The following KDM6A variants were observed in gnomAD, a reference collection of about 807,000 sequenced individuals.
KDM6A encodes the protein lysine-specific demethylase 6A.
KDM6A carries 11 observed loss-of-function variants against 117.6 expected under a neutral mutation model. The ratio of observed to expected loss-of-function variants is 0.09; its 90% CI spans 0.06 to 0.15. The LOEUF is 0.15. Ranked by LOEUF, KDM6A falls within the 10% of genes least tolerant of loss-of-function variation. The pLI is 1.00. For synonymous variants in KDM6A, 384 were observed against 396.1 expected (o/e 0.97, Z 0.36); for missense variants, 799 against 1,077.3 (o/e 0.74, Z 3.62).
At chrX:45,016,719 C>G (rs1433450192) in intron 5 of KDM6A, among the ~76,000 whole-genome samples, 1 of 110,895 alleles carries the variant, frequency 9.0e-6, no homozygotes, top group African/African-American at 3.3e-5. Flanking sequence ...AGGATGGTCT[C>G]TATTTCTTGA....
intron 2 of KDM6A, among the ~76,000 whole-genome samples, chrX:44,942,450 A>G (rs927398270): frequency 2.7e-5 from 3 of 110,160 alleles, no homozygotes; most frequent in Non-Finnish European, 5.7e-5. Context: ...GTTGATCTGT[A>G]TCTTCTGTTG....
chrX:44,970,754 C>A (rs758755295), intron 3 of KDM6A, among the ~76,000 whole-genome samples: 9 of 111,805 alleles, frequency 8.0e-5, no homozygotes, highest in Non-Finnish European at 1.7e-4. Context: ...ACATTTATTA[C>A]CTCACATAAT....
intron 3 of KDM6A, among the ~76,000 whole-genome samples, chrX:44,971,223 C>A (rs908051896): frequency 2.7e-5 from 3 of 111,701 alleles, no homozygotes; most frequent in Admixed American, 9.5e-5. Context: ...TAGCTACCCT[C>A]ATGCATGAAG....
At chrX:44,950,716 G>A (rs984696141) in intron 2 of KDM6A, among the ~76,000 whole-genome samples, 5 of 111,325 alleles carry the variant, frequency 4.5e-5, no homozygotes, top group African/African-American at 1.6e-4. Flanking sequence ...GTACAGCTTA[G>A]TTTGCTTTGT....
intron 2 of KDM6A, among the ~76,000 whole-genome samples, chrX:44,947,007 G>A (rs2037679831): frequency 8.9e-6 from 1 of 111,852 alleles, no homozygotes. Flanking sequence ...TATTTTACGT[G>A]TGTCTAAATT....
intron 4 of KDM6A, among the ~76,000 whole-genome samples, chrX:44,983,118 A>T (rs891425709): frequency 3.6e-5 from 4 of 111,872 alleles, no homozygotes; most frequent in African/African-American, 1.3e-4. Flanking sequence ...TATATTTTGG[A>T]ATAAGGATTA....
In KDM6A at chrX:45,067,945, C is replaced by A. The variant is rs1280370273; in HGVS notation, c.2080-1634C>A. On this transcript the variant is annotated intron_variant, in intron 17 of 29. Transcript: ENST00000611820. ...GGGATTCCAGGTGTGAGCCACTGCG[C>A]CTGGCCAATGTGTATCAACTTTTAA... Among the ~76,000 whole-genome samples the A allele has an allele frequency of 2.7e-5, 3 of 111,103 alleles. No homozygotes were observed. In the East Asian group the frequency reaches 8.4e-4, roughly 31 times the overall value.
At chrX:44,959,056 T>A (rs1365012312) in intron 2 of KDM6A, among the ~76,000 whole-genome samples, 1 of 111,236 alleles carries the variant, frequency 9.0e-6, no homozygotes, top group African/African-American at 3.3e-5. Flanking sequence ...ATACTTCAAA[T>A]AAATTCATGA....
rs767109748 is a variant in KDM6A, at chrX:44,997,705, C to T, written c.385-13256C>T. On this transcript the variant is annotated intron_variant, in intron 4 of 29. Transcript: ENST00000611820. ...ACCACACTCTTCCCTTCCCAGCAGT[C>T]CCGTATCAGAAGCATGTATTAGAAA... Among the ~76,000 whole-genome samples, 4 of 111,781 alleles carry T rather than the reference C, an allele frequency of 3.6e-5. No homozygotes were observed. In the South Asian group the frequency reaches 1.1e-3, roughly 31 times the overall value.
intron 4 of KDM6A, among the ~76,000 whole-genome samples, chrX:45,000,571 G>A (rs1213598378): frequency 8.9e-6 from 1 of 112,302 alleles, no homozygotes. Context: ...ATCTGCTCGG[G>A]GATGAACAAG....
chrX:44,892,836 C>G (rs762486981), intron 2 of KDM6A, among the ~76,000 whole-genome samples: 12 of 108,890 alleles, frequency 1.1e-4, no homozygotes, highest in African/African-American at 4.0e-4. Context: ...AACCCCGTCT[C>G]TACTAAAAAT....
intron 7 of KDM6A, 108 bp from the exon 8 acceptor site, chrX:45,037,547 A>G (rs951599850): frequency 6.5e-6 from 4 of 614,485 alleles, no homozygotes; most frequent in African/African-American, 2.2e-5. Context: ...ACTTAAATCT[A>G]TATAGTGTAG....
chrX:45,019,807 G>T (rs1261483206), intron 5 of KDM6A, among the ~76,000 whole-genome samples: 2 of 111,250 alleles, frequency 1.8e-5, no homozygotes, highest in Non-Finnish European at 3.8e-5. Context: ...TTTTGAGTAG[G>T]CAATACAGTC....
intron 2 of KDM6A, among the ~76,000 whole-genome samples, chrX:44,941,289 T>G (rs2037303697): frequency 9.0e-6 from 1 of 110,892 alleles, no homozygotes; most frequent in African/African-American, 3.3e-5. Flanking sequence ...CTAGCAGACC[T>G]CTTGAAAGGG....
chrX:45,004,009 C>T (rs1034020905), intron 4 of KDM6A, among the ~76,000 whole-genome samples: 1 of 108,652 alleles, frequency 9.2e-6, no homozygotes, highest in African/African-American at 3.4e-5. Context: ...CCCCTTTTAC[C>T]CCGGAGAGGG....
rs191050999 is a variant in KDM6A at position 44,892,670 on chromosome X, C to T, written c.225+18683C>T. Reference sequence around the variant, plus strand: ...TCGTGCCACTGCACTCTAGCCTGGGCGACTGAGCGAGACTCTGTCTCAAAC... The same window carrying T: ...TCGTGCCACTGCACTCTAGCCTGGGTGACTGAGCGAGACTCTGTCTCAAAC... On this transcript the variant is annotated intron_variant, in intron 2 of 29. Transcript: ENST00000611820. Among the ~76,000 whole-genome samples, 53 of 105,724 alleles carry T rather than the reference C, an allele frequency of 5.0e-4. 1 individual carries two copies. Among genetic ancestry groups the T allele is most frequent in the Admixed American group, 4.7e-3 (46 of 9,765 alleles). 91.8% of individuals were successfully genotyped at this position (105,724 alleles called of 115,157 possible).
chrX:44,961,670 T>G (rs761801834), intron 3 of KDM6A, among the ~76,000 whole-genome samples: 15 of 112,049 alleles, frequency 1.3e-4, no homozygotes, highest in Non-Finnish European at 2.4e-4. Context: ...CAGTTTGATA[T>G]AGATATTTGT....
chrX:44,908,799 T>C (rs942311078), intron 2 of KDM6A, among the ~76,000 whole-genome samples: 1 of 111,910 alleles, frequency 8.9e-6, no homozygotes, highest in Non-Finnish European at 1.9e-5. Context: ...TTAGGAAGTA[T>C]TGGCTGTACT....
chrX:45,081,402 G>A (rs1487094883), intron 21 of KDM6A, among the ~76,000 whole-genome samples: 1 of 112,195 alleles, frequency 8.9e-6, no homozygotes, highest in Non-Finnish European at 1.9e-5. Context: ...CTCAAGAGTT[G>A]TAAATAAAAG....
Sources: gnomAD v4.1 joint callset for allele counts (sites outside exome capture counted in the v4.1 genomes callset) on GRCh38, gnomAD v4.1.1 for gene constraint, MANE v1.5 for transcripts, NCBI Gene and HGNC (gene_info 2026-07-23, HGNC 2026-07-21) for gene names.